The following GXYLT1 variants were observed in gnomAD, a reference collection of about 807,000 sequenced individuals.
GXYLT1 encodes glucoside xylosyltransferase 1.
In GXYLT1, 29 loss-of-function variants were observed where a neutral mutation model predicts 54.0. The ratio of observed to expected loss-of-function variants is 0.54; its 90% CI spans 0.40 to 0.73. The LOEUF (loss-of-function observed/expected upper bound fraction) is 0.73, where lower values mean the gene tolerates loss of function less well. Ranked by LOEUF, GXYLT1 falls within the 30% of genes least tolerant of loss-of-function variation. The pLI is 0.00. For missense variants in GXYLT1, 490 were observed against 553.4 expected, an observed-to-expected ratio of 0.89 and a Z score of 1.15; for synonymous variants, 176 against 204.1, an observed-to-expected ratio of 0.86 and a Z score of 1.17.
chr12:42,136,751 T>TATACGTACATACATAC (rs2065621526), intron 1 of GXYLT1, among the ~76,000 whole-genome samples: 1 of 147,370 alleles, frequency 6.8e-6, no homozygotes, highest in Non-Finnish European at 1.5e-5. Context: ...GGAGGTTTTT[T>TATACGTACATACATAC]ATACATACAT....
intron 5 of GXYLT1, among the ~76,000 whole-genome samples, chr12:42,098,995 C>T (rs2065374414): frequency 6.6e-6 from 1 of 151,840 alleles, no homozygotes; most frequent in Non-Finnish European, 1.5e-5. Flanking sequence ...ATAACTGGGT[C>T]CAGTCTAGCA....
At chr12:42,141,699 G>T (rs920355591) in intron 1 of GXYLT1, among the ~76,000 whole-genome samples, 1 of 152,060 alleles carries the variant, frequency 6.6e-6, no homozygotes, top group Admixed American at 6.6e-5. Flanking sequence ...AAAAATTTAA[G>T]TATTATCTAC....
intron 3 of GXYLT1, among the ~76,000 whole-genome samples, chr12:42,115,494 C>A (rs200257432): frequency 0.8 from 121,567 of 152,070 alleles, 49,427 homozygotes; most frequent in African/African-American, 0.95. Flanking sequence ...TAACAGACAA[C>A]TAGAGAGCCA....
chr12:42,097,801 A>G lies in GXYLT1; in HGVS notation c.988+109T>C. 2.9e-6 allele frequency: 3 copies of G among 1,017,706 alleles called. No individual in the cohort carries two copies. In the South Asian group the frequency reaches 4.8e-5, roughly 16 times the overall value. The allele number at this position is 1,017,706 out of a possible 1,614,324, so 63.0% of individuals were successfully genotyped here. A position where few individuals can be genotyped will look rare whatever the true frequency, so the allele number is the denominator to read the frequency against. ...GTTTTACTCCGTCTTAAACATAAATAGCAATAATCATTAATATAAGACAGA... is the reference window on the plus strand; with the variant it reads ...GTTTTACTCCGTCTTAAACATAAATGGCAATAATCATTAATATAAGACAGA... On this transcript the variant is annotated intron_variant, in intron 6 of 7. Coordinates refer to ENST00000398675, the MANE Select transcript of GXYLT1 (RefSeq NM_173601.2).
At chr12:42,135,758 A>G (rs2065616251) in intron 1 of GXYLT1, among the ~76,000 whole-genome samples, 1 of 152,260 alleles carries the variant, frequency 6.6e-6, no homozygotes, top group Non-Finnish European at 1.5e-5. Context: ...ACAGGCAGAC[A>G]GAAAGTAGAC....
At position 42,097,513 on chromosome 12, in the gene GXYLT1, G is replaced by C. The variant is rs2065362570; in HGVS notation, c.1090C>G (p.His364Asp). ...EAEEGGIFILHGNRGVYHDDK... is the reference protein window; with the variant it reads ...EAEEGGIFILDGNRGVYHDDK... ...TCATGGTAAACACCTCTGTTCCCAT[G>C]AAGAATAAAGATTCCTCCTTCTTCT... Residue 364 changes from histidine (H) to aspartate (D), a missense_variant, in exon 7 of 8, where the codon CAT becomes GAT. Physicochemically the swap from His to Asp is moderately conservative, Grantham distance 81. Coordinates refer to ENST00000398675, the MANE Select transcript of GXYLT1 (RefSeq NM_173601.2). 1 of 1,611,484 alleles carries C rather than the reference G, an allele frequency of 6.2e-7. No homozygotes were observed. The highest frequency in any genetic ancestry group is 1.3e-5 in the African/African-American group (1 of 74,784).
intron 2 of GXYLT1, among the ~76,000 whole-genome samples, chr12:42,123,508 TA>T (rs879343748): frequency 1.1e-4 from 16 of 152,200 alleles, no homozygotes; most frequent in South Asian, 6.2e-4. Context: ...GGGTTTATCA[TA>T]AAAAAAGAAT....
chr12:42,114,406 G>C (rs1398365818), intron 3 of GXYLT1, among the ~76,000 whole-genome samples: 2 of 152,066 alleles, frequency 1.3e-5, no homozygotes, highest in Non-Finnish European at 2.9e-5. Context: ...GAAGAAAAGA[G>C]AGAAGAATCA....
chr12:42,141,266 C>A (rs903380124), intron 1 of GXYLT1, among the ~76,000 whole-genome samples: 1 of 152,154 alleles, frequency 6.6e-6, no homozygotes, highest in Non-Finnish European at 1.5e-5. Context: ...AACAGAAAAA[C>A]CCCATGAACA....
At chr12:42,098,162 T>C in intron 5 of GXYLT1, 129 bp from the exon 6 acceptor site, 2 of 788,666 alleles carry the variant, frequency 2.5e-6, no homozygotes, top group Non-Finnish European at 4.1e-6. Context: ...CCTCACAATA[T>C]CAAGTGACAT....
At chr12:42,111,185 G>T (rs78919231) in intron 3 of GXYLT1, among the ~76,000 whole-genome samples, 32 of 152,326 alleles carry the variant, frequency 2.1e-4, no homozygotes, top group East Asian at 1.5e-3. Context: ...AGCTTTGGTC[G>T]ACAGCTCCCA....
chr12:42,137,478 C>T (rs1404065328), intron 1 of GXYLT1, among the ~76,000 whole-genome samples: 2 of 140,028 alleles, frequency 1.4e-5, no homozygotes, highest in African/African-American at 5.3e-5. Flanking sequence ...ATTGCACTCC[C>T]GCCTGGGCGA....
At chr12:42,119,213 A>C in intron 2 of GXYLT1, 42 bp from the exon 3 acceptor site, 1 of 1,481,284 alleles carries the variant, frequency 6.8e-7, no homozygotes, top group Non-Finnish European at 9.3e-7. Flanking sequence ...GTTTTAGTAT[A>C]TGTTTACAAT....
chr12:42,096,128 C>T (rs1320128637), intron 7 of GXYLT1, among the ~76,000 whole-genome samples: 1 of 152,100 alleles, frequency 6.6e-6, no homozygotes, highest in Non-Finnish European at 1.5e-5. Flanking sequence ...GGAAGAATGG[C>T]ATGGAATTAG....
At chr12:42,115,472 C>T (rs1364893252) in intron 3 of GXYLT1, among the ~76,000 whole-genome samples, 1 of 152,186 alleles carries the variant, frequency 6.6e-6, no homozygotes, top group East Asian at 1.9e-4. Flanking sequence ...CACAAGCATT[C>T]TTATACAGCA....
intron 7 of GXYLT1, among the ~76,000 whole-genome samples, chr12:42,095,437 A>C (rs1403414266): frequency 6.6e-6 from 1 of 152,240 alleles, no homozygotes; most frequent in African/African-American, 2.4e-5. Context: ...ACAGTTTAAA[A>C]AAAAAAACTG....
intron 1 of GXYLT1, among the ~76,000 whole-genome samples, chr12:42,132,458 TTTA>T (rs1350255790): frequency 6.6e-6 from 1 of 152,226 alleles, no homozygotes; most frequent in Non-Finnish European, 1.5e-5. Context: ...ATCAATACAT[TTTA>T]TTAAGTACCG....
At position 42,109,549 on chromosome 12, in the gene GXYLT1, TA is replaced by T. The variant is rs771693280; in HGVS notation, c.612+16del. On this transcript the variant is annotated intron_variant, in intron 4 of 7. Transcript: ENST00000398675. ...AAAAAAAAAAAAAAAAAAAAGACACTAGGGGAAAAAACTTACCGGCAAGAAC... is the reference window on the plus strand; with the variant it reads ...AAAAAAAAAAAAAAAAAAAAGACACTGGGGAAAAAACTTACCGGCAAGAAC... The T allele has an allele frequency of 2.5e-5, 34 of 1,336,562 alleles. No individual in the cohort carries two copies. Among genetic ancestry groups the T allele is most frequent in the Admixed American group, 6.2e-5 (2 of 32,036 alleles). 82.8% of individuals were successfully genotyped at this position (1,336,562 alleles called of 1,614,324 possible).
At position 42,119,136 on chromosome 12, in the gene GXYLT1, T is replaced by C; in HGVS notation, c.350A>G (p.His117Arg). The change falls in exon 3 of 8, where the codon CAT becomes CGT. Residue 117 changes from histidine to arginine, a missense_variant. By Grantham distance (29) the His-to-Arg change is conservative (BLOSUM62 0). This residue lies in a region of GXYLT1 where 148 missense variants were observed against 210.7 expected (regional missense o/e 0.70). Coordinates refer to ENST00000398675, the MANE Select transcript of GXYLT1 (RefSeq NM_173601.2). ...SLKIQPVEKM[H>R]LAVVACGERL... ...TTCACCACAGGCAACTACAGCTAGATGCATTTTCTCAACAGGCTGTATTTT... is the reference window on the plus strand; with the variant it reads ...TTCACCACAGGCAACTACAGCTAGACGCATTTTCTCAACAGGCTGTATTTT... 1 of 1,460,642 alleles carries C rather than the reference T, an allele frequency of 6.8e-7. No homozygotes were observed. Among genetic ancestry groups the C allele is most frequent in the Non-Finnish European group, 9.1e-7 (1 of 1,094,810 alleles). 90.5% of individuals were successfully genotyped at this position (1,460,642 alleles called of 1,614,324 possible). A position where few individuals can be genotyped will look rare whatever the true frequency, so the allele number is the denominator to read the frequency against.
Sources: gnomAD v4.1 joint callset for allele counts (sites outside exome capture counted in the v4.1 genomes callset) on GRCh38, gnomAD v4.1.1 for gene constraint, gnomAD v4.1.1 regional missense constraint, MANE v1.5 for transcripts, NCBI Gene and HGNC (gene_info 2026-07-23, HGNC 2026-07-21) for gene names.